The following WLS variants were observed in gnomAD, a reference collection of about 807,000 sequenced individuals.
WLS encodes the protein protein wntless homolog.
Under a neutral mutation model 62.8 loss-of-function variants are expected in WLS, and 23 were observed. The observed-to-expected ratio is 0.37, with a 90% CI of 0.26 to 0.52. The LOEUF is 0.52. Among genes scored for constraint, WLS ranks in the 20% least tolerant of loss-of-function variants. WLS has a pLI of 0.92. For synonymous variants in WLS, 246 were observed against 244.1 expected (o/e 1.01, Z -0.07); for missense variants, 615 against 697.3 (o/e 0.88, Z 1.33).
chr1:68,191,753 T>C (rs1381382246), intron 2 of WLS, among the ~76,000 whole-genome samples: 2 of 152,220 alleles, frequency 1.3e-5, no homozygotes, highest in Non-Finnish European at 2.9e-5. Context: ...ACTTAAAAGC[T>C]TGAGGCTGTT....
chr1:68,116,881 G>C (rs997136413), intron 11 of WLS, among the ~76,000 whole-genome samples: 6 of 152,188 alleles, frequency 3.9e-5, no homozygotes, highest in Admixed American at 1.3e-4. Flanking sequence ...TTGTGGACAA[G>C]GGTGGTTTTA....
At chr1:68,150,786 A>G (rs1223830599) in intron 5 of WLS, among the ~76,000 whole-genome samples, 3 of 152,244 alleles carry the variant, frequency 2.0e-5, no homozygotes, top group African/African-American at 4.8e-5. Flanking sequence ...ATTTGTTTCA[A>G]TAATACATGA....
intron 1 of WLS, among the ~76,000 whole-genome samples, chr1:68,197,114 G>A (rs1648709553): frequency 6.6e-6 from 1 of 151,816 alleles, no homozygotes; most frequent in South Asian, 2.1e-4. Flanking sequence ...TGAAAAACAA[G>A]TCTCTCACTT....
At chr1:68,118,308 T>C (rs778519560) in intron 11 of WLS, among the ~76,000 whole-genome samples, 1 of 152,180 alleles carries the variant, frequency 6.6e-6, no homozygotes, top group Non-Finnish European at 1.5e-5. Flanking sequence ...ATGAAGTAAA[T>C]GCAAAATTCA....
At chr1:68,128,309 A>G (rs528455802) in intron 11 of WLS, among the ~76,000 whole-genome samples, 1 of 152,322 alleles carries the variant, frequency 6.6e-6, no homozygotes, top group South Asian at 2.1e-4. Context: ...TCACTGCTGC[A>G]ACATCTAGTC....
chr1:68,153,506 C>T lies in WLS; in HGVS notation c.803+11G>A, dbSNP rs1646854670. ...AGTATTCCTGAAGAGCGCTCCAAAA[C>T]CAGCTCTTACTTTTCCAGAAGCACT... is the stretch of plus-strand genomic sequence containing the variant. On this transcript the variant is annotated intron_variant, in intron 5 of 11. Coordinates refer to ENST00000262348, the MANE Select transcript of WLS (RefSeq NM_024911.7). The T allele has an allele frequency of 6.2e-7, 1 of 1,613,890 alleles. No homozygotes were observed. Among genetic ancestry groups the T allele is most frequent in the African/African-American group, 1.3e-5 (1 of 74,902 alleles).
At chr1:68,181,720 C>T (rs754101736) in intron 2 of WLS, among the ~76,000 whole-genome samples, 4 of 152,116 alleles carry the variant, frequency 2.6e-5, no homozygotes, top group Non-Finnish European at 4.4e-5. Context: ...GCTGTGCCAC[C>T]GTGGGCGAGT....
chr1:68,116,905 A>T lies in WLS; in HGVS notation c.1511-18152T>A, dbSNP rs546818482. 2.0e-5 allele frequency among the ~76,000 whole-genome samples: 3 copies of T among 152,280 alleles called. No homozygotes were observed. The East Asian group carries it at 5.8e-4, about 29-fold the overall frequency. On this transcript the variant is annotated intron_variant, in intron 11 of 11. Transcript: ENST00000354777. ...AGGGTGGTTTTAATTTTGAAGGCTA[A>T]CAGAACTGTCCCTCCTGAGCCAGTT...
At chr1:68,118,268 G>C (rs575771313) in intron 11 of WLS, among the ~76,000 whole-genome samples, 3 of 152,246 alleles carry the variant, frequency 2.0e-5, no homozygotes, top group African/African-American at 7.2e-5. Flanking sequence ...CAAGTCATAG[G>C]AACATGAAAC....
intron 11 of WLS, among the ~76,000 whole-genome samples, chr1:68,116,219 C>T (rs1424915744): frequency 1.3e-5 from 2 of 152,192 alleles, no homozygotes; most frequent in Non-Finnish European, 2.9e-5. Flanking sequence ...CCCTCCTGTA[C>T]CCAGGGCCAG....
At chr1:68,184,487 C>T (rs887832368) in intron 2 of WLS, among the ~76,000 whole-genome samples, 1 of 152,160 alleles carries the variant, frequency 6.6e-6, no homozygotes, top group Non-Finnish European at 1.5e-5. Context: ...CAGAACTTGG[C>T]CTTACCAAGA....
intron 2 of WLS, among the ~76,000 whole-genome samples, chr1:68,181,329 T>A (rs1647557900): frequency 6.6e-6 from 1 of 152,328 alleles, no homozygotes; most frequent in East Asian, 1.9e-4. Context: ...TAGTCAATGA[T>A]GTCACCAGGT....
chr1:68,104,954 C>A (rs1570792613), intron 11 of WLS, among the ~76,000 whole-genome samples: 2 of 152,316 alleles, frequency 1.3e-5, no homozygotes, highest in East Asian at 3.9e-4. Context: ...AGGGATTGCA[C>A]CCTCCTGTCT....
chr1:68,225,361 C>T (rs2100668074), intron 1 of WLS, among the ~76,000 whole-genome samples: 1 of 152,176 alleles, frequency 6.6e-6, no homozygotes, highest in South Asian at 2.1e-4. Flanking sequence ...TCTCAAGCTC[C>T]TCCTCTCCTT....
intron 1 of WLS, among the ~76,000 whole-genome samples, chr1:68,195,126 C>T (rs535402386): frequency 7.9e-5 from 12 of 152,188 alleles, no homozygotes; most frequent in South Asian, 4.1e-4. Flanking sequence ...TTAAAATATA[C>T]GCAAATATTA....
In WLS at chr1:68,205,269, A is replaced by G. The variant is rs529529449; in HGVS notation, c.107-11042T>C. Among the ~76,000 whole-genome samples, 30 of 152,338 alleles carry G rather than the reference A, an allele frequency of 2.0e-4. No individual in the cohort carries two copies. The South Asian group carries it at 6.2e-3, about 32-fold the overall frequency. On this transcript the variant is annotated intron_variant, in intron 1 of 11. Transcript: ENST00000262348. The stretch of plus-strand genomic sequence containing the variant: ...CGGTTCTTCCAGATCCGTGTCAAGC[A>G]ATATATTAAATGAAATACTGAATTT...
intron 2 of WLS, among the ~76,000 whole-genome samples, chr1:68,178,579 G>A (rs764734371): frequency 1.3e-5 from 2 of 151,984 alleles, no homozygotes; most frequent in African/African-American, 4.8e-5. Context: ...GGTGGCACAC[G>A]CCTGTAATCC....
chr1:68,188,522 A>G (rs139690729), intron 2 of WLS, among the ~76,000 whole-genome samples: 223 of 152,358 alleles, frequency 1.5e-3, no homozygotes, highest in African/African-American at 5.1e-3. Flanking sequence ...TAAACATCAC[A>G]AGGCCAGTAA....
At chr1:68,111,716 A>G (rs17480526) in intron 11 of WLS, among the ~76,000 whole-genome samples, 15,576 of 152,228 alleles carry the variant, frequency 0.1, 1,039 homozygotes, top group Non-Finnish European at 0.15. Flanking sequence ...TACTTTATGA[A>G]GCATGCAGGT....
Sources: allele counts gnomAD v4.1 joint callset (sites outside exome capture counted in the v4.1 genomes callset), GRCh38; gene constraint gnomAD v4.1.1; transcripts MANE v1.5; gene names NCBI Gene and HGNC (gene_info 2026-07-23, HGNC 2026-07-21).